The following TBP variants were observed in gnomAD, a reference collection of about 807,000 sequenced individuals.
TBP encodes the protein TATA-box-binding protein.
Under a neutral mutation model 46.2 loss-of-function variants are expected in TBP, and 12 were observed. That is an observed-to-expected ratio of 0.26 (90% CI 0.17 to 0.42). TBP has a LOEUF of 0.42. Among genes scored for constraint, TBP ranks in the 10% least tolerant of loss-of-function variants. The pLI, the probability that TBP is intolerant of heterozygous loss-of-function variation, is 1.00. For synonymous variants in TBP, 157 were observed against 148.3 expected, an observed-to-expected ratio of 1.06 and a Z score of -0.42; for missense variants, 229 against 403.1, an observed-to-expected ratio of 0.57 and a Z score of 3.70.
intron 5 of TBP, chr6:170,567,590 T>C (rs148799605): frequency 1.3e-5 from 2 of 152,330 alleles, no homozygotes; most frequent in East Asian, 3.9e-4. Context: ...CATCTTGAAA[T>C]GGAAGAAAAA....
At chr6:170,568,815 CTTTTTTTTTT>C (rs377394208) in intron 5 of TBP, among the ~76,000 whole-genome samples, 1 of 62,610 alleles carries the variant, frequency 1.6e-5, no homozygotes, top group Non-Finnish European at 2.9e-5. Context: ...CTTTCCTTTT[CTTTTTTTTTT>C]TTTTTTTTTT....
At chr6:170,555,828 A>T (rs1217489226) in intron 1 of TBP, among the ~76,000 whole-genome samples, 1 of 152,204 alleles carries the variant, frequency 6.6e-6, no homozygotes, top group Non-Finnish European at 1.5e-5. Flanking sequence ...TATGTTTTAC[A>T]GTAGTTATTT....
chr6:170,564,656 C>CTT, intron 4 of TBP, 24 bp downstream of exon 4: 26 of 1,426,424 alleles, frequency 1.8e-5, no homozygotes, highest in Middle Eastern at 1.9e-4. Context: ...TAATGTATTT[C>CTT]TTTTTTTTTT....
At chr6:170,567,521 A>G (rs1388615293) in intron 5 of TBP, 1 of 152,258 alleles carries the variant, frequency 6.6e-6, no homozygotes, top group Non-Finnish European at 1.5e-5. Context: ...ATGTAATACA[A>G]CATCAGAACT....
At chr6:170,563,287 G>A (rs529687153) in intron 3 of TBP, among the ~76,000 whole-genome samples, 32 of 152,064 alleles carry the variant, frequency 2.1e-4, no homozygotes, top group Non-Finnish European at 3.8e-4. Flanking sequence ...TGTTTCTTGC[G>A]AGTGCCTTTG....
intron 5 of TBP, 70 bp downstream of exon 5, chr6:170,567,079 G>A (rs1779267455): frequency 2.4e-6 from 3 of 1,254,558 alleles, no homozygotes; most frequent in East Asian, 2.5e-5. Context: ...ATTGTTTTTA[G>A]GTTATTAGGT....
chr6:170,568,453 TTTGTTG>T (rs141778159), intron 5 of TBP, among the ~76,000 whole-genome samples: 1 of 151,304 alleles, frequency 6.6e-6, no homozygotes, highest in Non-Finnish European at 1.5e-5. Context: ...CACATTCTTT[TTTGTTG>T]TTGTTGTTGT....
intron 2 of TBP, 57 bp downstream of exon 2, chr6:170,557,140 G>T (rs889549984): frequency 2.7e-5 from 40 of 1,483,670 alleles, no homozygotes; most frequent in Non-Finnish European, 3.4e-5. Context: ...GCAAGAGATG[G>T]TATCAAAAGG....
intron 2 of TBP, among the ~76,000 whole-genome samples, chr6:170,558,169 T>A (rs12527072): frequency 0.38 from 58,020 of 152,160 alleles, 11,771 homozygotes; most frequent in East Asian, 0.77. Flanking sequence ...CTGTAAACAT[T>A]TGTGTAGACT....
chr6:170,568,815 C>CTTT (rs377394208), intron 5 of TBP, among the ~76,000 whole-genome samples: 2,182 of 62,554 alleles, frequency 0.035, 640 homozygotes, highest in African/African-American at 0.076. Context: ...CTTTCCTTTT[C>CTTT]TTTTTTTTTT....
intron 3 of TBP, among the ~76,000 whole-genome samples, chr6:170,564,314 CA>C (rs1380282033): frequency 3.3e-5 from 5 of 152,112 alleles, no homozygotes; most frequent in African/African-American, 1.2e-4. Flanking sequence ...CTTATTTATC[CA>C]AATGTGGGAA....
Position 170,566,986 on chromosome 6 carries a change from A to G in TBP, c.654A>G (p.Lys218=). Residue 218 remains lysine, a synonymous_variant, in exon 5 of 8, where the codon AAA becomes AAG. Transcript: ENST00000392092. ...CGGCACTGATTTTCAGTTCTGGGAA[A>G]ATGGTGTGCACAGGAGCCAAGAGGT... ...RTTALIFSSG[K]MVCTGAKSEE... 1 of 1,613,684 alleles carries G rather than the reference A, an allele frequency of 6.2e-7. No individual in the cohort carries two copies. The highest frequency in any genetic ancestry group is 8.5e-7 in the Non-Finnish European group (1 of 1,179,770).
At chr6:170,567,103 T>C (rs924728427) in intron 5 of TBP, 94 bp downstream of exon 5, 9 of 747,062 alleles carry the variant, frequency 1.2e-5, no homozygotes, top group South Asian at 3.6e-5. Context: ...CACTTTAACA[T>C]GTTATTATTG....
chr6:170,571,366 C>G lies in TBP; in HGVS notation c.846-44C>G. ...CAGGTCCTCATTTTATCTAAAAGCA[C>G]ACAAAGCTCTTGATTTCTAAACTTT... On this transcript the variant is annotated intron_variant, in intron 6 of 7. Transcript: ENST00000392092. 2 of 1,424,590 alleles carry G rather than the reference C, an allele frequency of 1.4e-6. 1 individual carries two copies. The allele number at this position is 1,424,590 out of a possible 1,614,324, so 88.2% of individuals were successfully genotyped here. A position where few individuals can be genotyped will look rare whatever the true frequency, so the allele number is the denominator to read the frequency against.
At chr6:170,562,889 G>T (rs1022013093) in intron 3 of TBP, among the ~76,000 whole-genome samples, 1 of 152,134 alleles carries the variant, frequency 6.6e-6, no homozygotes, top group Non-Finnish European at 1.5e-5. Flanking sequence ...GTTACTTGCA[G>T]TCTCTGCATC....
At chr6:170,569,820 C>G in intron 6 of TBP, 41 bp downstream of exon 6, 1 of 1,558,124 alleles carries the variant, frequency 6.4e-7, no homozygotes, top group Non-Finnish European at 8.8e-7. Context: ...GGCAACAGTT[C>G]ATTTATAATC....
chr6:170,562,236 G>C lies in TBP; in HGVS notation c.497+3G>C, dbSNP rs753119768. The C allele has an allele frequency of 6.2e-7, 1 of 1,611,576 alleles. No homozygotes were observed. The highest frequency in any genetic ancestry group is 1.7e-5 in the Admixed American group (1 of 59,962). ...TCTGGGATTGTACCGCAGCTGCAGT[G>C]AGTACTTCGTGTTTTATGTTTCCTC... is the stretch of plus-strand genomic sequence containing the variant. On this transcript the variant is annotated splice_donor_region_variant and intron_variant, in intron 3 of 7. Coordinates refer to ENST00000392092, the MANE Select transcript of TBP (RefSeq NM_003194.5).
chr6:170,560,825 C>A (rs1407573011), intron 2 of TBP, among the ~76,000 whole-genome samples: 2 of 152,140 alleles, frequency 1.3e-5, no homozygotes, highest in Non-Finnish European at 2.9e-5. Flanking sequence ...TGTGAGTAAG[C>A]AAAGAAAGTG....
At position 170,564,856 on chromosome 6, in the gene TBP, T is replaced by TAAA. The variant is rs750400341; in HGVS notation, c.585+238_585+240dup. 6.5e-5 allele frequency among the ~76,000 whole-genome samples: 9 copies of TAAA among 138,844 alleles called. No homozygotes were observed. The South Asian group carries it at 6.9e-4, about 11-fold the overall frequency. The allele number at this position is 138,844 out of a possible 152,430, so 91.1% of individuals were successfully genotyped here. On this transcript the variant is annotated intron_variant, in intron 4 of 7. Coordinates refer to ENST00000392092, the MANE Select transcript of TBP (RefSeq NM_003194.5). Reference sequence around the variant, plus strand: ...GGCAACATGGCAAGACCCTGTCTCTTAAAAAAAAAAAAAAAATTGGCCGGG... The same window carrying TAAA: ...GGCAACATGGCAAGACCCTGTCTCTTAAAAAAAAAAAAAAAAAAATTGGCCGGG...
Sources: gnomAD v4.1 joint callset for allele counts (sites outside exome capture counted in the v4.1 genomes callset) on GRCh38, gnomAD v4.1.1 for gene constraint, MANE v1.5 for transcripts, NCBI Gene and HGNC (gene_info 2026-07-23, HGNC 2026-07-21) for gene names.